TMC1: variants seen among roughly 807,000 people sequenced by gnomAD.
The protein encoded by TMC1 is transmembrane channel like 1.
Under a neutral mutation model 105.8 loss-of-function variants are expected in TMC1, and 84 were observed. The observed-to-expected ratio is 0.79, with a 90% confidence interval of 0.67 to 0.95. TMC1 has a LOEUF of 0.95. Among genes scored for constraint, TMC1 ranks in the 40% least tolerant of loss-of-function variants. The pLI is 0.00. For synonymous variants in TMC1, 315 were observed against 311.5 expected (o/e 1.01, Z -0.12); for missense variants, 817 against 914.1 (o/e 0.89, Z 1.37).
rs7865533 is a variant in TMC1 at position 72,715,969 on chromosome 9, G to C, written c.362+15326G>C. On this transcript the variant is annotated intron_variant, in intron 8 of 23. Transcript: ENST00000297784. ...CTGAGTGGTCCTTTTTGTTGATGTT[G>C]ATACTATTCCTTTCTGTTTGTTAGT... Among the ~76,000 whole-genome samples the C allele has an allele frequency of 3.6e-3, 553 of 152,230 alleles. 6 individuals carry two copies. The highest frequency in any genetic ancestry group is 0.013 in the African/African-American group (530 of 41,544).
Position 72,740,188 on chromosome 9 carries a change from A to T in TMC1, c.432A>T (p.Ala144=), listed in dbSNP as rs931389713. Reference sequence around the variant, plus strand: ...AAGGAAAAGGAAAACGGTGGTTTGCATTTAAGATGATGATGGCCAAGGTAG... The same window carrying T: ...AAGGAAAAGGAAAACGGTGGTTTGCTTTTAAGATGATGATGGCCAAGGTAG... ...LGKGKGKRWF[A]FKMMMAKKWA... Residue 144 remains alanine (A), a synonymous_variant, in exon 9 of 24, where the codon GCA becomes GCT. Coordinates refer to ENST00000297784, the MANE Select transcript of TMC1 (RefSeq NM_138691.3). 2.5e-6 allele frequency: 4 copies of T among 1,613,614 alleles called. No individual in the cohort carries two copies. The African/African-American group carries it at 4.0e-5, about 16-fold the overall frequency.
chr9:72,568,490 C>T (rs1327393586), intron 1 of TMC1, among the ~76,000 whole-genome samples: 1 of 152,120 alleles, frequency 6.6e-6, no homozygotes, highest in Non-Finnish European at 1.5e-5. Context: ...TTTATGGGGA[C>T]TTGCTATGAG....
intron 1 of TMC1, among the ~76,000 whole-genome samples, chr9:72,545,070 C>T (rs1426278010): frequency 1.3e-5 from 2 of 151,720 alleles, no homozygotes; most frequent in East Asian, 3.9e-4. Flanking sequence ...CCAATTCCAC[C>T]CAGGTTGCTG....
At chr9:72,545,199 CAT>C (rs138344531) in intron 1 of TMC1, among the ~76,000 whole-genome samples, 7,664 of 150,498 alleles carry the variant, frequency 0.051, 251 homozygotes, top group African/African-American at 0.091. Flanking sequence ...TATATATACA[CAT>C]ATATATATAT....
At chr9:72,669,042 C>T (rs1042901930) in intron 5 of TMC1, among the ~76,000 whole-genome samples, 4 of 152,176 alleles carry the variant, frequency 2.6e-5, no homozygotes, top group East Asian at 1.9e-4. Flanking sequence ...CAGTGGCTCA[C>T]GCTTGTAATC....
intron 2 of TMC1, among the ~76,000 whole-genome samples, chr9:72,614,975 C>T (rs1825102384): frequency 6.6e-6 from 1 of 152,144 alleles, no homozygotes; most frequent in African/African-American, 2.4e-5. Context: ...CCACTGAGCC[C>T]AGCCAGTTAT....
intron 5 of TMC1, among the ~76,000 whole-genome samples, chr9:72,684,110 A>G (rs1014104490): frequency 1.3e-5 from 2 of 152,176 alleles, no homozygotes; most frequent in African/African-American, 4.8e-5. Flanking sequence ...TAATAATCTA[A>G]TTCGTGTTGT....
intron 2 of TMC1, among the ~76,000 whole-genome samples, chr9:72,591,029 C>A (rs972917865): frequency 2.0e-5 from 3 of 152,150 alleles, no homozygotes; most frequent in African/African-American, 7.2e-5. Context: ...GCCAAGAGAG[C>A]AAACAGTGGT....
At chr9:72,627,635 C>G (rs1167447826) in intron 3 of TMC1, among the ~76,000 whole-genome samples, 1 of 152,138 alleles carries the variant, frequency 6.6e-6, no homozygotes, top group Non-Finnish European at 1.5e-5. Flanking sequence ...TTTCAAAGAA[C>G]TTCAAATGTG....
At chr9:72,576,104 CGTG>C (rs1824375228) in intron 1 of TMC1, among the ~76,000 whole-genome samples, 1 of 152,134 alleles carries the variant, frequency 6.6e-6, no homozygotes, top group South Asian at 2.1e-4. Context: ...ATGGCATACT[CGTG>C]GTGGAATCTT....
At chr9:72,630,702 G>A (rs1280889089) in intron 4 of TMC1, among the ~76,000 whole-genome samples, 3 of 151,898 alleles carry the variant, frequency 2.0e-5, no homozygotes, top group Admixed American at 2.0e-4. Context: ...CCCTCTCCCT[G>A]TCAATCTATA....
intron 1 of TMC1, among the ~76,000 whole-genome samples, chr9:72,529,424 C>T (rs1054537954): frequency 6.6e-6 from 1 of 151,990 alleles, no homozygotes; most frequent in Admixed American, 6.6e-5. Context: ...CACACTAGCT[C>T]GGGCAACATA....
intron 2 of TMC1, among the ~76,000 whole-genome samples, chr9:72,586,246 C>A (rs1368780168): frequency 1.3e-5 from 2 of 152,142 alleles, no homozygotes; most frequent in Non-Finnish European, 2.9e-5. Context: ...AGATAAAGAA[C>A]CAATTTTAGG....
rs1243101374 is a variant in TMC1 at position 72,555,940 on chromosome 9, A to T, written c.-427-21962A>T. Among the ~76,000 whole-genome samples, 8 of 139,986 alleles carry T rather than the reference A, an allele frequency of 5.7e-5. No individual in the cohort carries two copies. In the Admixed American group the frequency reaches 6.0e-4, roughly 11 times the overall value. 91.8% of individuals were successfully genotyped at this position (139,986 alleles called of 152,430 possible). On this transcript the variant is annotated intron_variant, in intron 1 of 23. Coordinates refer to ENST00000297784, the MANE Select transcript of TMC1 (RefSeq NM_138691.3). Reference sequence around the variant, plus strand: ...CTGGCCTGGACTTAACTCTTAAATGATGTTACCCAGGAAAACCAATCTATG... The same window carrying T: ...CTGGCCTGGACTTAACTCTTAAATGTTGTTACCCAGGAAAACCAATCTATG...
At chr9:72,780,692 T>G (rs1451345299) in intron 13 of TMC1, among the ~76,000 whole-genome samples, 1 of 152,162 alleles carries the variant, frequency 6.6e-6, no homozygotes, top group East Asian at 1.9e-4. Flanking sequence ...CAAACAGACT[T>G]TAACCTAACA....
chr9:72,637,094 C>T (rs373786414), intron 4 of TMC1, among the ~76,000 whole-genome samples: 4 of 150,884 alleles, frequency 2.7e-5, no homozygotes, highest in African/African-American at 2.4e-5. Context: ...GTGGAGGAGA[C>T]GGGCAAAAAT....
chr9:72,806,355 C>A (rs1472193052), intron 18 of TMC1, among the ~76,000 whole-genome samples: 5 of 142,212 alleles, frequency 3.5e-5, no homozygotes, highest in Admixed American at 2.7e-4. Context: ...GGGGGCTGAC[C>A]CCCCCACCTC....
intron 1 of TMC1, among the ~76,000 whole-genome samples, chr9:72,565,440 G>T (rs1824133027): frequency 6.6e-6 from 1 of 152,110 alleles, no homozygotes; most frequent in Admixed American, 6.5e-5. Context: ...GAAGAAGGAG[G>T]AAATAAAACA....
At chr9:72,727,467 T>C (rs1827142261) in intron 8 of TMC1, among the ~76,000 whole-genome samples, 2 of 152,218 alleles carry the variant, frequency 1.3e-5, no homozygotes, top group South Asian at 4.1e-4. Flanking sequence ...AGAAATAAAA[T>C]GAATTTGTTT....
Sources: allele counts gnomAD v4.1 joint callset (sites outside exome capture counted in the v4.1 genomes callset), GRCh38; gene constraint gnomAD v4.1.1; transcripts MANE v1.5; gene names NCBI Gene and HGNC (gene_info 2026-07-23, HGNC 2026-07-21).